Variants in NPAS3 observed in about 807,000 individuals in gnomAD.
The protein encoded by NPAS3 is neuronal PAS domain protein 3, also known as neuronal PAS domain-containing protein 3.
Under a neutral mutation model 73.1 loss-of-function variants are expected in NPAS3, and 14 were observed. That is an observed-to-expected ratio of 0.19 (90% confidence interval 0.13 to 0.30). The LOEUF (loss-of-function observed/expected upper bound fraction) is 0.30. Among genes scored for constraint, NPAS3 ranks in the 10% least tolerant of loss-of-function variants. The pLI, the probability that NPAS3 is intolerant of heterozygous loss-of-function variation, is 1.00. For synonymous variants in NPAS3, 620 were observed against 541.5 expected, an observed-to-expected ratio of 1.14 and a Z score of -2.01; for missense variants, 1,096 against 1,250.0, an observed-to-expected ratio of 0.88 and a Z score of 1.86.
At chr14:33,031,231 C>T (rs1403574617) in intron 1 of NPAS3, among the ~76,000 whole-genome samples, 1 of 152,174 alleles carries the variant, frequency 6.6e-6, no homozygotes, top group Non-Finnish European at 1.5e-5. Flanking sequence ...CCAGTAACTT[C>T]TCATGTTCTG....
upstream of NPAS3, chr14:32,935,125 G>T: frequency 2.5e-6 from 1 of 394,922 alleles, no homozygotes; most frequent in Admixed American, 5.9e-5. Context: ...CACTTTGCCT[G>T]CCCCTCGTTC....
intron 6 of NPAS3, among the ~76,000 whole-genome samples, chr14:33,700,919 G>A (rs967487480): frequency 5.3e-5 from 8 of 152,196 alleles, no homozygotes; most frequent in Admixed American, 4.6e-4. Context: ...GTCAAGTACA[G>A]ATAAAGCACC....
intron 3 of NPAS3, among the ~76,000 whole-genome samples, chr14:33,292,466 T>C (rs2042139621): frequency 6.6e-6 from 1 of 152,110 alleles, no homozygotes; most frequent in Non-Finnish European, 1.5e-5. Flanking sequence ...TATTTCTTTA[T>C]TGTGAAAAAA....
At chr14:33,777,708 A>C (rs533005330) in intron 8 of NPAS3, among the ~76,000 whole-genome samples, 1 of 152,332 alleles carries the variant, frequency 6.6e-6, no homozygotes, top group South Asian at 2.1e-4. Flanking sequence ...GATTCCCCCA[A>C]CACGGTTTCC....
Position 33,044,276 on chromosome 14 carries a change from G to A in NPAS3, c.51-11629G>A, listed in dbSNP as rs112318668. Among the ~76,000 whole-genome samples, 107 of 152,202 alleles carry A rather than the reference G, an allele frequency of 7.0e-4. 1 individual carries two copies. Among genetic ancestry groups the A allele is most frequent in the African/African-American group, 2.4e-3 (101 of 41,542 alleles). ...GGGTAATTTATTGAATGTCATTTTT[G>A]TCATTTCTTTTCCTCCACTCAGTTG... On this transcript the variant is annotated intron_variant, in intron 1 of 11. Transcript: ENST00000356141.
chr14:33,428,907 T>A (rs1160372663), intron 4 of NPAS3, among the ~76,000 whole-genome samples: 1 of 152,146 alleles, frequency 6.6e-6, no homozygotes, highest in Non-Finnish European at 1.5e-5. Flanking sequence ...TAGAATTAGA[T>A]CCATAGATCG....
At chr14:33,645,603 G>C (rs888391097) in intron 5 of NPAS3, among the ~76,000 whole-genome samples, 118 of 152,338 alleles carry the variant, frequency 7.7e-4, no homozygotes, top group African/African-American at 2.7e-3. Context: ...CCCTCCAAGA[G>C]CATGTGTTCC....
chr14:33,584,854 A>G (rs1026215102), intron 5 of NPAS3, among the ~76,000 whole-genome samples: 1 of 152,168 alleles, frequency 6.6e-6, no homozygotes, highest in African/African-American at 2.4e-5. Context: ...ATGACTACCT[A>G]TTAACATGCA....
At chr14:33,778,572 T>G (rs762761601) in exon 9 of NPAS3, 47 of 1,602,512 alleles carry the variant, frequency 2.9e-5, no homozygotes, top group Non-Finnish European at 4.0e-5. Flanking sequence ...TCACTTGGAC[T>G]GTAAGTACCT....
At chr14:33,691,775 A>G (rs1486185493) in intron 6 of NPAS3, among the ~76,000 whole-genome samples, 1 of 152,168 alleles carries the variant, frequency 6.6e-6, no homozygotes, top group East Asian at 1.9e-4. Flanking sequence ...AATTATTACC[A>G]CAGAGCCCCT....
chr14:33,464,780 G>A lies in NPAS3; in HGVS notation c.469-95341G>A, dbSNP rs554994184. 7.0e-4 allele frequency among the ~76,000 whole-genome samples: 106 copies of A among 152,302 alleles called. 1 individual carries two copies. The highest frequency in any genetic ancestry group is 1.1e-3 in the Non-Finnish European group (78 of 68,034). On this transcript the variant is annotated intron_variant, in intron 4 of 11. Coordinates refer to ENST00000356141, the Ensembl canonical transcript of NPAS3. ...AGCTGGGAGCTGTTTGTACCTTCCT[G>A]TATGATGCCAAGTGCAAAGCCCTTT...
chr14:33,405,333 A>G (rs545415467), intron 4 of NPAS3, among the ~76,000 whole-genome samples: 3 of 152,226 alleles, frequency 2.0e-5, no homozygotes, highest in East Asian at 1.9e-4. Context: ...TGAATCTTCC[A>G]TGGTGCAAAG....
At chr14:33,379,335 C>G (rs1410783150) in intron 4 of NPAS3, among the ~76,000 whole-genome samples, 1 of 151,896 alleles carries the variant, frequency 6.6e-6, no homozygotes, top group African/African-American at 2.4e-5. Flanking sequence ...AAGGGATATT[C>G]AACCTGTATC....
chr14:33,598,448 G>A (rs905991540), intron 5 of NPAS3, among the ~76,000 whole-genome samples: 21 of 152,302 alleles, frequency 1.4e-4, no homozygotes, highest in African/African-American at 3.6e-4. Context: ...ATTTTCATCT[G>A]ATCAAGTGTC....
chr14:33,260,995 T>G (rs2139955063), intron 3 of NPAS3, among the ~76,000 whole-genome samples: 1 of 152,320 alleles, frequency 6.6e-6, no homozygotes, highest in African/African-American at 2.4e-5. Flanking sequence ...ACTGTTTCTC[T>G]TTTAAGCATG....
intron 2 of NPAS3, among the ~76,000 whole-genome samples, chr14:33,121,878 G>A (rs962107406): frequency 2.6e-5 from 4 of 152,230 alleles, no homozygotes; most frequent in African/African-American, 7.2e-5. Flanking sequence ...CGTGGAAATT[G>A]TATCTCACTT....
chr14:33,024,184 C>G (rs552429358), intron 1 of NPAS3, among the ~76,000 whole-genome samples: 1 of 146,678 alleles, frequency 6.8e-6, no homozygotes, highest in South Asian at 2.2e-4. Flanking sequence ...GTATATTCCC[C>G]CCACCAAGAT....
At chr14:33,456,352 G>A (rs1005558624) in intron 4 of NPAS3, among the ~76,000 whole-genome samples, 4 of 152,174 alleles carry the variant, frequency 2.6e-5, no homozygotes, top group African/African-American at 4.8e-5. Context: ...AATCCCTCAT[G>A]AGGGCTGCTA....
At chr14:33,351,160 A>G (rs1221313123) in intron 3 of NPAS3, among the ~76,000 whole-genome samples, 1 of 152,220 alleles carries the variant, frequency 6.6e-6, no homozygotes, top group Non-Finnish European at 1.5e-5. Flanking sequence ...TAGCTCTTAC[A>G]GGTGTAAACA....
Sources: gnomAD v4.1 joint callset for allele counts (sites outside exome capture counted in the v4.1 genomes callset) on GRCh38, gnomAD v4.1.1 for gene constraint, MANE v1.5 for transcripts, NCBI Gene and HGNC (gene_info 2026-07-23, HGNC 2026-07-21) for gene names.